The following MBD5 variants were observed in gnomAD, a reference collection of about 807,000 sequenced individuals.
MBD5 encodes the protein methyl-CpG-binding domain protein 5.
In MBD5, 13 loss-of-function variants were observed where a neutral mutation model predicts 117.3. The observed-to-expected ratio is 0.11, with a 90% CI of 0.07 to 0.18. The LOEUF is 0.18. Ranked by LOEUF, MBD5 falls within the 10% of genes least tolerant of loss-of-function variation. The pLI, the probability that MBD5 is intolerant of heterozygous loss-of-function variation, is 1.00. For synonymous variants in MBD5, 727 were observed against 766.4 expected, an observed-to-expected ratio of 0.95 and a Z score of 0.85; for missense variants, 1,879 against 2,093.8, an observed-to-expected ratio of 0.90 and a Z score of 2.00.
At chr2:148,050,996 C>T (rs920818675) in intron 1 of MBD5, among the ~76,000 whole-genome samples, 16 of 152,038 alleles carry the variant, frequency 1.1e-4, no homozygotes, top group Admixed American at 6.5e-5. Flanking sequence ...TGTATTGAGT[C>T]TGTGGATCAG....
intron 11 of MBD5, among the ~76,000 whole-genome samples, chr2:148,491,295 G>A (rs1681517440): frequency 7.0e-6 from 1 of 143,624 alleles, no homozygotes; most frequent in Non-Finnish European, 1.5e-5. Context: ...GGTCTTCTGG[G>A]CCTTTTTTTT....
At chr2:148,266,698 T>C (rs975253300) in intron 3 of MBD5, among the ~76,000 whole-genome samples, 1 of 151,990 alleles carries the variant, frequency 6.6e-6, no homozygotes, top group Non-Finnish European at 1.5e-5. Context: ...CAATAATCAA[T>C]TGATAAAAAG....
At chr2:148,335,538 G>A (rs1291448867) in intron 3 of MBD5, among the ~76,000 whole-genome samples, 1 of 152,076 alleles carries the variant, frequency 6.6e-6, no homozygotes. Context: ...GGGCAACATA[G>A]CGAGCCCTCT....
intron 4 of MBD5, among the ~76,000 whole-genome samples, chr2:148,381,716 G>A (rs1476015803): frequency 2.6e-5 from 4 of 152,110 alleles, no homozygotes; most frequent in East Asian, 1.9e-4. Flanking sequence ...GAGAAAGGTC[G>A]GGTTACCCAC....
At chr2:148,392,047 C>T (rs1304384835) in intron 4 of MBD5, among the ~76,000 whole-genome samples, 2 of 152,036 alleles carry the variant, frequency 1.3e-5, no homozygotes, top group Non-Finnish European at 2.9e-5. Context: ...TTTTTTCTCA[C>T]AAAGTAGAAA....
chr2:148,307,280 C>T (rs893599761), intron 3 of MBD5, among the ~76,000 whole-genome samples: 10 of 152,152 alleles, frequency 6.6e-5, no homozygotes, highest in Admixed American at 2.6e-4. Context: ...ATTCTTTTAA[C>T]AAAGAGAAAA....
intron 4 of MBD5, among the ~76,000 whole-genome samples, chr2:148,445,462 G>T (rs1236697700): frequency 6.6e-6 from 1 of 151,268 alleles, no homozygotes; most frequent in East Asian, 1.9e-4. Context: ...CAAAGGACAT[G>T]AACTCATCAA....
At chr2:148,404,434 A>G (rs1335168844) in intron 4 of MBD5, among the ~76,000 whole-genome samples, 1 of 151,824 alleles carries the variant, frequency 6.6e-6, no homozygotes, top group African/African-American at 2.4e-5. Flanking sequence ...CACATGCTGA[A>G]TACTCAAAAG....
At chr2:148,381,970 G>A (rs1023723320) in intron 4 of MBD5, among the ~76,000 whole-genome samples, 2 of 152,116 alleles carry the variant, frequency 1.3e-5, no homozygotes, top group African/African-American at 4.8e-5. Flanking sequence ...ACTAAACATA[G>A]AAAGGAACAA....
At chr2:148,206,409 T>C (rs544252241) in intron 2 of MBD5, among the ~76,000 whole-genome samples, 14 of 152,338 alleles carry the variant, frequency 9.2e-5, no homozygotes, top group South Asian at 6.2e-4. Flanking sequence ...CAGTGAATAA[T>C]GATCAAATCA....
At chr2:148,275,994 A>T (rs1701103100) in intron 3 of MBD5, among the ~76,000 whole-genome samples, 1 of 151,952 alleles carries the variant, frequency 6.6e-6, no homozygotes, top group Non-Finnish European at 1.5e-5. Flanking sequence ...TGTTTCTTGG[A>T]TATTTATATT....
chr2:148,509,974 GGTACTTTT>G (rs1682167839), intron 12 of MBD5, 78 bp from the exon 13 acceptor site: 5 of 1,052,160 alleles, frequency 4.8e-6, no homozygotes, highest in Non-Finnish European at 1.5e-6. Flanking sequence ...TCGTGGAATT[GGTACTTTT>G]GTTTTCTGAT....
chr2:148,497,669 T>C (rs1681743133), intron 11 of MBD5, among the ~76,000 whole-genome samples: 3 of 151,582 alleles, frequency 2.0e-5, no homozygotes, highest in African/African-American at 7.3e-5. Context: ...CCTATAATTC[T>C]AGCTACTTGG....
At position 148,296,863 on chromosome 2, in the gene MBD5, A is replaced by ATTTTTTTTTTTTTTTTTTTTTTTTTTTT. The variant is rs1559010681; in HGVS notation, c.-679-45351_-679-45350insTTTTTTTTTTTTTTTTTTTTTTTTTTTT. Among the ~76,000 whole-genome samples, 105 of 37,674 alleles carry ATTTTTTTTTTTTTTTTTTTTTTTTTTTT rather than the reference A, an allele frequency of 2.8e-3. 29 individuals carry two copies. Among genetic ancestry groups the ATTTTTTTTTTTTTTTTTTTTTTTTTTTT allele is most frequent in the Non-Finnish European group, 4.4e-3 (83 of 18,934 alleles). The allele number at this position is 37,674 out of a possible 152,430, so 24.7% of individuals were successfully genotyped here. On this transcript the variant is annotated intron_variant, in intron 3 of 13. Coordinates refer to ENST00000642680, the MANE Select transcript of MBD5 (RefSeq NM_001378120.1). Reference sequence around the variant, plus strand: ...TAAGCATAGTTTGCTTTAGTTCTTCAATTTTTTTTTTTTTTTTTTTTGGAG... The same window carrying ATTTTTTTTTTTTTTTTTTTTTTTTTTTT: ...TAAGCATAGTTTGCTTTAGTTCTTCATTTTTTTTTTTTTTTTTTTTTTTTTTTTATTTTTTTTTTTTTTTTTTTTGGAG...
intron 1 of MBD5, among the ~76,000 whole-genome samples, chr2:148,145,654 A>G (rs1697439000): frequency 6.6e-6 from 1 of 151,652 alleles, no homozygotes; most frequent in African/African-American, 2.4e-5. Context: ...AGTTTTTAGC[A>G]TGAAGGGGTG....
chr2:148,195,509 C>G (rs1163143913), intron 2 of MBD5, among the ~76,000 whole-genome samples: 2 of 151,984 alleles, frequency 1.3e-5, no homozygotes, highest in African/African-American at 4.8e-5. Context: ...AAACAGAAAC[C>G]AATAAGAAAA....
intron 3 of MBD5, among the ~76,000 whole-genome samples, chr2:148,242,823 G>A (rs964164158): frequency 1.3e-5 from 2 of 152,156 alleles, no homozygotes; most frequent in East Asian, 1.9e-4. Context: ...AGTAGTTAAC[G>A]TGTCTGTCCT....
At chr2:148,488,654 G>C (rs958207398) in intron 10 of MBD5, among the ~76,000 whole-genome samples, 2 of 116,018 alleles carry the variant, frequency 1.7e-5, no homozygotes, top group African/African-American at 6.6e-5. Flanking sequence ...ATGGTGCGGG[G>C]GTGGGGGGTG....
At chr2:148,337,678 TA>T (rs59215489) in intron 3 of MBD5, among the ~76,000 whole-genome samples, 43,012 of 151,938 alleles carry the variant, frequency 0.28, 6,353 homozygotes, top group African/African-American at 0.33. Context: ...AATAACCTAT[TA>T]AAAAAAATAG....
Sources: allele counts gnomAD v4.1 joint callset (sites outside exome capture counted in the v4.1 genomes callset), GRCh38; gene constraint gnomAD v4.1.1; transcripts MANE v1.5; gene names NCBI Gene and HGNC (gene_info 2026-07-23, HGNC 2026-07-21).